Variants in TAF12 observed in about 807,000 individuals in gnomAD.
TAF12 encodes transcription initiation factor TFIID subunit 12.
TAF12 carries 3 observed loss-of-function variants against 20.8 expected under a neutral mutation model. The observed-to-expected ratio is 0.14, with a 90% confidence interval of 0.07 to 0.37. The LOEUF (loss-of-function observed/expected upper bound fraction) is 0.37. Among genes scored for constraint, TAF12 ranks in the 10% least tolerant of loss-of-function variants. The probability of loss-of-function intolerance (pLI) is 1.00; values close to 1 mark genes in which losing one functional copy is unlikely to be tolerated. For missense variants in TAF12, 131 were observed against 197.9 expected (o/e 0.66, Z 2.03); for synonymous variants, 69 against 70.2 (o/e 0.98, Z 0.09).
intron 1 of TAF12, among the ~76,000 whole-genome samples, chr1:28,634,739 G>C (rs899623820): frequency 2.0e-5 from 3 of 151,448 alleles, no homozygotes; most frequent in African/African-American, 7.3e-5. Flanking sequence ...AGACCAGCCC[G>C]ACCAACATGC....
chr1:28,615,126 T>C (rs1430233384), intron 3 of TAF12, among the ~76,000 whole-genome samples: 1 of 151,674 alleles, frequency 6.6e-6, no homozygotes, highest in Non-Finnish European at 1.5e-5. Context: ...AATAAATAAA[T>C]ATATATATAT....
At chr1:28,628,479 T>C (rs1667509708) in intron 1 of TAF12, among the ~76,000 whole-genome samples, 1 of 152,108 alleles carries the variant, frequency 6.6e-6, no homozygotes, top group Non-Finnish European at 1.5e-5. Context: ...TTGTTGCCTA[T>C]GGCCAGGGCA....
chr1:28,619,260 G>A (rs61786032), intron 2 of TAF12, among the ~76,000 whole-genome samples: 30,709 of 151,584 alleles, frequency 0.2, 3,836 homozygotes, highest in Middle Eastern at 0.31. Flanking sequence ...TTGGGAGACC[G>A]AGGTGAGCGG....
chr1:28,628,295 G>T (rs1215392681), intron 1 of TAF12, among the ~76,000 whole-genome samples: 1 of 145,752 alleles, frequency 6.9e-6, no homozygotes, highest in South Asian at 2.2e-4. Context: ...AACCCAGGAG[G>T]TGGAGGTTGC....
At chr1:28,645,101 T>C (rs1233215480), upstream of TAF12, among the ~76,000 whole-genome samples, 1 of 151,830 alleles carries the variant, frequency 6.6e-6, no homozygotes, top group Non-Finnish European at 1.5e-5. Context: ...AGTGGAGCTA[T>C]CTCGGCTCAC....
At chr1:28,626,781 G>T (rs1395498716) in intron 1 of TAF12, among the ~76,000 whole-genome samples, 1 of 151,294 alleles carries the variant, frequency 6.6e-6, no homozygotes, top group Non-Finnish European at 1.5e-5. Context: ...GGGGTGGCAG[G>T]TGCCTGTAAT....
At chr1:28,637,152 T>G (rs894097405) in intron 1 of TAF12, among the ~76,000 whole-genome samples, 1 of 152,218 alleles carries the variant, frequency 6.6e-6, no homozygotes, top group Admixed American at 6.6e-5. Context: ...TGAGAGTTAC[T>G]GTGGAAAACC....
intron 4 of TAF12, among the ~76,000 whole-genome samples, chr1:28,610,973 A>C (rs950966537): frequency 9.7e-5 from 9 of 92,530 alleles, no homozygotes; most frequent in South Asian, 3.1e-4. Context: ...AAAAAAAAAA[A>C]AAAAAAAAAA....
intron 4 of TAF12, 128 bp from the exon 5 acceptor site, chr1:28,605,588 T>C: frequency 1.2e-6 from 1 of 836,372 alleles, no homozygotes; most frequent in Non-Finnish European, 1.9e-6. Flanking sequence ...AGGGATTCTA[T>C]TACAAATAGG....
intron 1 of TAF12, among the ~76,000 whole-genome samples, chr1:28,635,358 T>G (rs1333242232): frequency 8.0e-6 from 1 of 125,716 alleles, no homozygotes; most frequent in Non-Finnish European, 1.6e-5. Context: ...CAGGCTACAG[T>G]GCAGTGGCGC....
chr1:28,627,324 G>A (rs1009318784), intron 1 of TAF12, among the ~76,000 whole-genome samples: 1 of 149,606 alleles, frequency 6.7e-6, no homozygotes, highest in African/African-American at 2.5e-5. Context: ...GGAGACAGAG[G>A]TTGCAGTGAG....
At chr1:28,638,013 T>A (rs892941120) in intron 1 of TAF12, among the ~76,000 whole-genome samples, 6 of 151,928 alleles carry the variant, frequency 3.9e-5, no homozygotes, top group East Asian at 1.9e-4. Context: ...TATTATTATT[T>A]TTTTGGAGAT....
intron 2 of TAF12, among the ~76,000 whole-genome samples, chr1:28,621,608 A>C (rs1384829597): frequency 6.6e-5 from 10 of 152,204 alleles, no homozygotes. Context: ...CATACACACA[A>C]CCACATACAA....
chr1:28,627,609 C>T (rs1401758572), intron 1 of TAF12, among the ~76,000 whole-genome samples: 6 of 134,414 alleles, frequency 4.5e-5, no homozygotes, highest in Middle Eastern at 3.6e-3. Context: ...AGGAGAATGG[C>T]GTGAACCCAG....
intron 4 of TAF12, 134 bp from the exon 5 acceptor site, chr1:28,605,594 A>G: frequency 1.3e-6 from 1 of 786,238 alleles, no homozygotes; most frequent in South Asian, 1.8e-5. Flanking sequence ...TCTATTACAA[A>G]TAGGGAAAAT....
At chr1:28,645,121 C>T (rs1232807900), upstream of TAF12, among the ~76,000 whole-genome samples, 6 of 151,922 alleles carry the variant, frequency 3.9e-5, no homozygotes, top group South Asian at 2.1e-4. Flanking sequence ...CTGCAAGTTC[C>T]GCCTCCCAGG....
At chr1:28,626,646 C>T (rs1299240566) in intron 1 of TAF12, among the ~76,000 whole-genome samples, 2 of 151,178 alleles carry the variant, frequency 1.3e-5, no homozygotes, top group African/African-American at 2.4e-5. Flanking sequence ...ATGTGGCTCA[C>T]GCTTGTAATC....
chr1:28,634,568 G>A (rs1206500929), intron 1 of TAF12, among the ~76,000 whole-genome samples: 2 of 152,106 alleles, frequency 1.3e-5, no homozygotes, highest in Non-Finnish European at 2.9e-5. Flanking sequence ...ACCCCCCAGT[G>A]ATTGGTTGTT....
intron 1 of TAF12, among the ~76,000 whole-genome samples, chr1:28,639,879 T>C (rs1010975800): frequency 4.6e-5 from 7 of 152,166 alleles, no homozygotes; most frequent in African/African-American, 1.7e-4. Context: ...TCTCATTCTG[T>C]TGTCCAGGCT....
Sources: allele counts gnomAD v4.1 joint callset (sites outside exome capture counted in the v4.1 genomes callset), GRCh38; gene constraint gnomAD v4.1.1; transcripts MANE v1.5; gene names NCBI Gene and HGNC (gene_info 2026-07-23, HGNC 2026-07-21).